Variants in ATXN7L1 observed in about 807,000 individuals in gnomAD.
The protein encoded by ATXN7L1 is ataxin-7-like protein 1.
A neutral mutation model predicts 70.8 loss-of-function variants in ATXN7L1; 15 were observed. The ratio of observed to expected loss-of-function variants is 0.21; its 90% CI spans 0.14 to 0.33. ATXN7L1 has a LOEUF of 0.33. Among genes scored for constraint, ATXN7L1 ranks in the 10% least tolerant of loss-of-function variants. The pLI, the probability that ATXN7L1 is intolerant of heterozygous loss-of-function variation, is 1.00. For missense variants in ATXN7L1, 975 were observed against 1,097.1 expected (o/e 0.89, Z 1.57); for synonymous variants, 440 against 445.1 (o/e 0.99, Z 0.14).
chr7:105,621,756 C>A (rs1319309170), intron 8 of ATXN7L1, among the ~76,000 whole-genome samples: 1 of 152,218 alleles, frequency 6.6e-6, no homozygotes, highest in East Asian at 1.9e-4. Flanking sequence ...GGCCTCCCAG[C>A]AGCTCCCTGG....
At chr7:105,655,790 A>G (rs1004165689) in intron 4 of ATXN7L1, among the ~76,000 whole-genome samples, 1 of 152,254 alleles carries the variant, frequency 6.6e-6, no homozygotes, top group East Asian at 1.9e-4. Flanking sequence ...CCTCAGCCCC[A>G]GTTGCTCCGG....
chr7:105,788,766 TAC>T (rs1804694232), intron 2 of ATXN7L1, 58 bp from the exon 3 acceptor site: 2 of 1,348,812 alleles, frequency 1.5e-6, no homozygotes, highest in Non-Finnish European at 2.1e-6. Flanking sequence ...TCAGAAGGTG[TAC>T]AGTTTCCTCT....
chr7:105,614,772 G>A lies in ATXN7L1; in HGVS notation c.1562C>T (p.Ala521Val), dbSNP rs1162975995. ...TGCTGGAACGGGGGTGGTGATGTGG[G>A]CTGCTGGCGAGGGCAGGGGGCTATC... ...AADSPLPSPA[A>V]HITTPVPASV... is the part of the protein sequence containing the mutation. Residue 521 changes from alanine to valine, a missense_variant, in exon 10 of 12, where the codon GCC (alanine) becomes GTC (valine). Physicochemically the swap from Ala to Val is moderately conservative, Grantham distance 64. Around this residue, in one of 5 missense-constraint regions of ATXN7L1, gnomAD observed 635 missense variants for 699.4 expected, o/e 0.91. Transcript: ENST00000419735. The surrounding 1 kb of genome is among the most constrained non-coding windows in gnomAD (Gnocchi z 4.3). 1 of 1,551,706 alleles carries A rather than the reference G, an allele frequency of 6.4e-7. No individual in the cohort carries two copies. The highest frequency in any genetic ancestry group is 2.0e-5 in the Admixed American group (1 of 51,006).
intron 3 of ATXN7L1, among the ~76,000 whole-genome samples, chr7:105,779,831 C>T (rs1363880671): frequency 6.6e-6 from 1 of 152,072 alleles, no homozygotes; most frequent in African/African-American, 2.4e-5. Context: ...TGTTATCAAA[C>T]GACAAAGAAT....
At chr7:105,718,602 C>G (rs911180491) in intron 3 of ATXN7L1, among the ~76,000 whole-genome samples, 3 of 152,216 alleles carry the variant, frequency 2.0e-5, no homozygotes, top group Non-Finnish European at 2.9e-5. Context: ...TCTTCACACA[C>G]AGTTTGCATC....
At chr7:105,731,435 T>C (rs999970408) in intron 3 of ATXN7L1, among the ~76,000 whole-genome samples, 4 of 71,014 alleles carry the variant, frequency 5.6e-5, no homozygotes, top group African/African-American at 1.9e-4. Context: ...TTCTTACTCC[T>C]TTTTTTTTTT....
At chr7:105,832,552 C>T (rs1228842303) in intron 2 of ATXN7L1, among the ~76,000 whole-genome samples, 1 of 152,188 alleles carries the variant, frequency 6.6e-6, no homozygotes, top group Non-Finnish European at 1.5e-5. Flanking sequence ...ACACACCTGC[C>T]CCCAAGGGCA....
intron 3 of ATXN7L1, among the ~76,000 whole-genome samples, chr7:105,778,258 G>A (rs1803011706): frequency 6.6e-6 from 1 of 150,424 alleles, no homozygotes; most frequent in African/African-American, 2.5e-5. Flanking sequence ...TGTAGTCCCA[G>A]AACTTTGGGA....
intron 2 of ATXN7L1, among the ~76,000 whole-genome samples, chr7:105,793,428 T>C (rs1367433027): frequency 1.3e-5 from 2 of 152,120 alleles, no homozygotes; most frequent in Non-Finnish European, 1.5e-5. Context: ...CTCTCTTATT[T>C]TTAAAAGTTC....
chr7:105,801,485 T>C (rs956980745), intron 2 of ATXN7L1, among the ~76,000 whole-genome samples: 1 of 152,242 alleles, frequency 6.6e-6, no homozygotes, highest in East Asian at 1.9e-4. Context: ...CCAATCATTG[T>C]CCTATCATGA....
chr7:105,744,889 C>T (rs932533738), intron 3 of ATXN7L1, among the ~76,000 whole-genome samples: 5 of 151,954 alleles, frequency 3.3e-5, no homozygotes, highest in Non-Finnish European at 7.4e-5. Context: ...AGGCGCCCAC[C>T]ACCACGCCCA....
intron 2 of ATXN7L1, among the ~76,000 whole-genome samples, chr7:105,794,668 A>G (rs1240996095): frequency 1.3e-5 from 2 of 152,322 alleles, no homozygotes; most frequent in South Asian, 2.1e-4. Context: ...TGGTTACCGC[A>G]TCAATTATTG....
At chr7:105,660,505 T>C (rs1408514417) in intron 4 of ATXN7L1, among the ~76,000 whole-genome samples, 3 of 151,646 alleles carry the variant, frequency 2.0e-5, no homozygotes, top group African/African-American at 7.3e-5. Context: ...ATTAAAAATT[T>C]ACCATTCTAA....
chr7:105,876,484 T>C lies in ATXN7L1; in HGVS notation c.75A>G (p.Glu25=), dbSNP rs1298448409. 3.7e-6 allele frequency: 6 copies of C among 1,613,862 alleles called. No homozygotes were observed. The highest frequency in any genetic ancestry group is 4.2e-6 in the Non-Finnish European group (5 of 1,179,934). ...GATCCAGTGTCGCCATTGCTCTTCCTTCTTGTTGCTTTTTCCCTGTTCCTT... is the reference window on the plus strand; with the variant it reads ...GATCCAGTGTCGCCATTGCTCTTCCCTCTTGTTGCTTTTTCCCTGTTCCTT... ...AAEGTGKKQQ[E]GRAMATLDRK... is the part of the protein sequence containing the mutation. Residue 25 remains glutamate (E), a synonymous_variant, in exon 1 of 12, where the codon GAA becomes GAG. Coordinates refer to ENST00000419735, the MANE Select transcript of ATXN7L1 (RefSeq NM_020725.2).
chr7:105,861,713 T>C (rs1221134811), intron 2 of ATXN7L1, among the ~76,000 whole-genome samples: 2 of 151,948 alleles, frequency 1.3e-5, no homozygotes, highest in Non-Finnish European at 2.9e-5. Context: ...CCGGAGCAAA[T>C]GCAGAGCAAA....
intron 3 of ATXN7L1, among the ~76,000 whole-genome samples, chr7:105,681,162 C>T (rs1023096785): frequency 2.0e-5 from 3 of 152,234 alleles, no homozygotes; most frequent in Admixed American, 6.5e-5. Context: ...CACGGTTGCT[C>T]ACGCCTGTAA....
At chr7:105,693,382 G>A (rs984766964) in intron 3 of ATXN7L1, among the ~76,000 whole-genome samples, 1 of 152,124 alleles carries the variant, frequency 6.6e-6, no homozygotes, top group Non-Finnish European at 1.5e-5. Context: ...TGTAGAGACA[G>A]AATCTCACTA....
rs1330395412 is a variant in ATXN7L1, at chr7:105,614,361, G to A, written c.1973C>T (p.Ser658Phe). 1 of 1,550,008 alleles carries A rather than the reference G, an allele frequency of 6.5e-7. No individual in the cohort carries two copies. The highest frequency in any genetic ancestry group is 1.2e-5 in the South Asian group (1 of 84,000). Residue 658 changes from serine to phenylalanine, a missense_variant, in exon 10 of 12, where the codon TCC (serine) becomes TTC (phenylalanine). This residue lies in a region of ATXN7L1 where 635 missense variants were observed against 699.4 expected (regional missense o/e 0.91). Transcript: ENST00000419735. This position sits in a 1 kb window ranked among gnomAD's most constrained non-coding sequence, Gnocchi z 4.3. Reference protein sequence around the residue: ...QSSTSSSSSSSSSSLQTSLSS... With the variant: ...QSSTSSSSSSFSSSLQTSLSS... ...GAGGGATGTCTGCAAGGAAGAGGAG[G>A]AGGAGGAGGAGGAGGAGGAAGTCGA...
intron 2 of ATXN7L1, among the ~76,000 whole-genome samples, chr7:105,856,135 A>AACTT (rs1027608884): frequency 6.6e-6 from 1 of 152,216 alleles, no homozygotes; most frequent in African/African-American, 2.4e-5. Context: ...TTTCCCTTTC[A>AACTT]ACTTACTCAC....
Sources: allele counts gnomAD v4.1 joint callset (sites outside exome capture counted in the v4.1 genomes callset), GRCh38; gene constraint gnomAD v4.1.1; regional missense constraint gnomAD v4.1.1; non-coding constraint Gnocchi (gnomAD v3.1); transcripts MANE v1.5; gene names NCBI Gene and HGNC (gene_info 2026-07-23, HGNC 2026-07-21).